MACC1: variants seen among roughly 807,000 people sequenced by gnomAD.
MACC1 encodes the protein metastasis-associated in colon cancer protein 1.
MACC1 carries 79 observed loss-of-function variants against 70.7 expected under a neutral mutation model. The observed-to-expected ratio is 1.12, with a 90% confidence interval of 0.93 to 1.35. MACC1 has a LOEUF of 1.35. MACC1 is among the 40% of genes most tolerant of loss of function. The pLI is 0.00. For synonymous variants in MACC1, 361 were observed against 347.2 expected (o/e 1.04, Z -0.44); for missense variants, 1,106 against 978.1 (o/e 1.13, Z -1.74).
At chr7:20,154,108 C>T in intron 6 of MACC1, 85 bp downstream of exon 6, 1 of 1,376,064 alleles carries the variant, frequency 7.3e-7, no homozygotes, top group Non-Finnish European at 1.0e-6. Context: ...CCCAGTGAAT[C>T]CGTGAATGTG....
chr7:20,154,364 A>G lies in MACC1; in HGVS notation c.2175T>C (p.Asp725=). ...TGAGACGTGCGACTAACTCTTGGCA[A>G]TCCATTTTCAGAAGAGCCTGCAGCA... is the stretch of plus-strand genomic sequence containing the variant. ...YELIVALLKM[D]CQELVARLIQ... Residue 725 remains aspartate (D), a synonymous_variant, in exon 6 of 7, where the codon GAT becomes GAC. Transcript: ENST00000400331. The G allele has an allele frequency of 6.2e-7, 1 of 1,613,360 alleles. No individual in the cohort carries two copies. The highest frequency in any genetic ancestry group is 8.5e-7 in the Non-Finnish European group (1 of 1,179,586).
intron 2 of MACC1, among the ~76,000 whole-genome samples, chr7:20,164,769 C>T (rs1038837254): frequency 1.3e-5 from 2 of 152,274 alleles, no homozygotes; most frequent in South Asian, 4.1e-4. Context: ...AAAAGCTGAG[C>T]TCAAGTTCCT....
chr7:20,152,264 G>C (rs1781990822), intron 6 of MACC1, among the ~76,000 whole-genome samples: 1 of 152,044 alleles, frequency 6.6e-6, no homozygotes, highest in African/African-American at 2.4e-5. Flanking sequence ...AAGCGGCCCA[G>C]CAACTGCTAG....
rs1782120377 is a variant in MACC1 at position 20,160,105 on chromosome 7, T to C, written c.256A>G (p.Asn86Asp). The change falls in exon 5 of 7, where the codon AAT becomes GAT. Residue 86 changes from asparagine (N) to aspartate (D), a missense_variant. Coordinates refer to ENST00000400331, the MANE Select transcript of MACC1 (RefSeq NM_182762.4). ...PFLDDITQLRNNRKRNNISIL... is the reference protein window; with the variant it reads ...PFLDDITQLRDNRKRNNISIL... ...GAAATATTATTTCTCTTCCTGTTAT[T>C]TCTTAGTTGAGTTATGTCATCCAAA... is the stretch of plus-strand genomic sequence containing the variant. 1 of 1,613,066 alleles carries C rather than the reference T, an allele frequency of 6.2e-7. No homozygotes were observed. Among genetic ancestry groups the C allele is most frequent in the African/African-American group, 1.3e-5 (1 of 74,994 alleles).
intron 1 of MACC1, among the ~76,000 whole-genome samples, chr7:20,204,560 G>C (rs1480273769): frequency 2.0e-5 from 3 of 152,156 alleles, no homozygotes; most frequent in Non-Finnish European, 4.4e-5. Context: ...CCGAGTCCAA[G>C]TGAAAAGCAC....
intron 6 of MACC1, 142 bp from the exon 7 acceptor site, chr7:20,141,300 G>A (rs913793287): frequency 5.6e-6 from 3 of 537,792 alleles, no homozygotes; most frequent in Non-Finnish European, 9.5e-6. Context: ...TGATGTCATA[G>A]AAAATATGGT....
At chr7:20,169,636 T>C (rs1782272760) in intron 2 of MACC1, among the ~76,000 whole-genome samples, 1 of 152,222 alleles carries the variant, frequency 6.6e-6, no homozygotes, top group Non-Finnish European at 1.5e-5. Flanking sequence ...CTTTCTTTTA[T>C]GTAAATGCAT....
In MACC1 at chr7:20,138,152, C is replaced by CAAAAAAAAAAAAAAAAAAAAAAAAA. The variant is rs535703374; in HGVS notation, c.*2769_*2793dup. The CAAAAAAAAAAAAAAAAAAAAAAAAA allele has an allele frequency of 2.9e-5, 2 of 67,880 alleles. No individual in the cohort carries two copies. Among genetic ancestry groups the CAAAAAAAAAAAAAAAAAAAAAAAAA allele is most frequent in the African/African-American group, 9.0e-5 (2 of 22,198 alleles). The allele number at this position is 67,880 out of a possible 1,614,324, so 4.2% of individuals were successfully genotyped here. ...TGGGCAACAGAGCCAGACTCTGGCT[C>CAAAAAAAAAAAAAAAAAAAAAAAAA]AAAAAAAAAAAAAAAAAAAAAAAAA... On this transcript the variant is annotated 3_prime_UTR_variant, in exon 7 of 7. Transcript: ENST00000400331.
At position 20,159,560 on chromosome 7, in the gene MACC1, G is replaced by A. The variant is rs766938658; in HGVS notation, c.801C>T (p.Cys267=). ...TGATTTCCAACAACGGGCTCACAGTGCACGAAAGATCATGGTTAAGCATGT... is the reference window on the plus strand; with the variant it reads ...TGATTTCCAACAACGGGCTCACAGTACACGAAAGATCATGGTTAAGCATGT... ...PPHMLNHDLS[C]TVSPLLEIML... Residue 267 remains cysteine, a synonymous_variant, in exon 5 of 7, where the codon TGC becomes TGT. Transcript: ENST00000400331. The A allele has an allele frequency of 3.1e-6, 5 of 1,614,092 alleles. No homozygotes were observed. In the East Asian group the frequency reaches 6.7e-5, roughly 22 times the overall value.
At chr7:20,141,725 T>A in intron 6 of MACC1, among the ~76,000 whole-genome samples, 1 of 152,164 alleles carries the variant, frequency 6.6e-6, no homozygotes, top group Non-Finnish European at 1.5e-5. Context: ...TATTTTATCA[T>A]CGAAAGAAAA....
At position 20,159,812 on chromosome 7, in the gene MACC1, T is replaced by G; in HGVS notation, c.549A>C (p.Leu183Phe). 6.2e-7 allele frequency: 1 copy of G among 1,614,150 alleles called. No homozygotes were observed. The highest frequency in any genetic ancestry group is 8.5e-7 in the Non-Finnish European group (1 of 1,180,024). ...NDREAYKMAW[L>F]SQRQLARSCL... ...AGGAGCGGGCCAGCTGGCGTTGACT[T>G]AACCAAGCCATTTTATAAGCCTCCC... is the stretch of plus-strand genomic sequence containing the variant. Residue 183 changes from leucine to phenylalanine, a missense_variant, in exon 5 of 7, where the codon TTA becomes TTC. Leu to Phe is a conservative substitution (Grantham distance 22, BLOSUM62 0). Transcript: ENST00000400331.
In MACC1 at chr7:20,158,855, GAT is replaced by G. The variant is rs775459350; in HGVS notation, c.1504_1505del (p.Ile502HisfsTer4). ...PNGEPVAQFS[I>X]TTPDPTPNLK... ...GGTTTGGGGTTGGATCAGGAGTAGT[GAT>G]AGAGAACTGTGCAACTGGTTCACCA... On this transcript the variant is annotated frameshift_variant, in exon 5 of 7. Coordinates refer to ENST00000400331, the MANE Select transcript of MACC1 (RefSeq NM_182762.4). LOFTEE classifies it high-confidence loss of function. 1 of 1,614,116 alleles carries G rather than the reference GAT, an allele frequency of 6.2e-7. No individual in the cohort carries two copies. The highest frequency in any genetic ancestry group is 1.1e-5 in the South Asian group (1 of 91,088).
intron 1 of MACC1, among the ~76,000 whole-genome samples, chr7:20,195,714 G>C (rs576211030): frequency 1.3e-5 from 2 of 152,320 alleles, no homozygotes; most frequent in South Asian, 4.1e-4. Flanking sequence ...TTGTGGAACA[G>C]GGGATCAGTT....
rs1221366313 is a variant in MACC1 at position 20,137,013 on chromosome 7, G to A, written c.*3933C>T. 2 of 150,058 alleles carry A rather than the reference G, an allele frequency of 1.3e-5. No individual in the cohort carries two copies. Among genetic ancestry groups the A allele is most frequent in the Non-Finnish European group, 3.0e-5 (2 of 67,568 alleles). 9.3% of individuals were successfully genotyped at this position (150,058 alleles called of 1,614,324 possible). A position where few individuals can be genotyped will look rare whatever the true frequency, so the allele number is the denominator to read the frequency against. ...TCTTAAAGATTAAGATTATTATTGT[G>A]AATAAGAAGAAAAATGATCTAATTT... On this transcript the variant is annotated 3_prime_UTR_variant, in exon 7 of 7. Coordinates refer to ENST00000400331, the MANE Select transcript of MACC1 (RefSeq NM_182762.4).
chr7:20,143,368 TTTG>T (rs772372306), intron 6 of MACC1, among the ~76,000 whole-genome samples: 4 of 152,098 alleles, frequency 2.6e-5, no homozygotes, highest in African/African-American at 7.2e-5. Context: ...CATTTGGCAA[TTTG>T]TTGTTGTTGT....
At chr7:20,167,528 A>C (rs1782238713) in intron 2 of MACC1, among the ~76,000 whole-genome samples, 2 of 151,624 alleles carry the variant, frequency 1.3e-5, no homozygotes, top group African/African-American at 4.9e-5. Context: ...TAGGGAAATA[A>C]AGTCTTAGGG....
At position 20,175,191 on chromosome 7, in the gene MACC1, T is replaced by G. The variant is rs188626677; in HGVS notation, c.-217-4413A>C. Among the ~76,000 whole-genome samples, 164 of 152,226 alleles carry G rather than the reference T, an allele frequency of 1.1e-3. 1 individual carries two copies. The highest frequency in any genetic ancestry group is 1.8e-3 in the Non-Finnish European group (119 of 67,936). On this transcript the variant is annotated intron_variant, in intron 1 of 6. Transcript: ENST00000400331. ...TGATTCCTTATGGCTTTAACTTTTT[T>G]TGATGAACTCTTTAACCCGGCAATA...
chr7:20,202,000 A>T (rs1782840634), intron 1 of MACC1, among the ~76,000 whole-genome samples: 1 of 151,446 alleles, frequency 6.6e-6, no homozygotes, highest in South Asian at 2.1e-4. Flanking sequence ...TTTCCCACAC[A>T]CTCCTAGGTG....
chr7:20,182,730 T>C (rs1293174416), intron 1 of MACC1, among the ~76,000 whole-genome samples: 1 of 152,152 alleles, frequency 6.6e-6, no homozygotes, highest in Non-Finnish European at 1.5e-5. Context: ...CCTCGATTTG[T>C]CTTCCTCATT....
Sources: allele counts gnomAD v4.1 joint callset (sites outside exome capture counted in the v4.1 genomes callset), GRCh38; gene constraint gnomAD v4.1.1; transcripts MANE v1.5; gene names NCBI Gene and HGNC (gene_info 2026-07-23, HGNC 2026-07-21).